Variants in AKR1E2 observed in about 807,000 individuals in gnomAD.
AKR1E2 encodes aldo-keto reductase family 1 member E2.
Under a neutral mutation model 41.9 loss-of-function variants are expected in AKR1E2, and 43 were observed. The ratio of observed to expected loss-of-function variants is 1.03; its 90% CI spans 0.80 to 1.32. AKR1E2 has a LOEUF of 1.32. AKR1E2 is among the 40% of genes most tolerant of loss of function. AKR1E2 has a pLI of 0.00. For missense variants in AKR1E2, 423 were observed against 396.5 expected (o/e 1.07, Z -0.57); for synonymous variants, 121 against 138.9 (o/e 0.87, Z 0.91).
At chr10:4,846,266 G>A (rs368569468) in intron 8 of AKR1E2, 32 of 175,158 alleles carry the variant, frequency 1.8e-4, no homozygotes, top group African/African-American at 6.9e-4. Context: ...TCCTCCCGCC[G>A]CAAGACAGCC....
At chr10:4,836,997 A>G (rs1462359034) in intron 4 of AKR1E2, among the ~76,000 whole-genome samples, 1 of 152,206 alleles carries the variant, frequency 6.6e-6, no homozygotes, top group Non-Finnish European at 1.5e-5. Flanking sequence ...AAGGTGGGAT[A>G]GGAGAATGGT....
the AKR1E2 span, among the ~76,000 whole-genome samples, chr10:4,863,468 G>A: frequency 6.6e-6 from 1 of 152,044 alleles, no homozygotes; most frequent in Non-Finnish European, 1.5e-5. Context: ...GCAATGTGTA[G>A]AGGGAAATTT....
chr10:4,866,780 G>A, the AKR1E2 span, among the ~76,000 whole-genome samples: 54 of 152,004 alleles, frequency 3.6e-4, no homozygotes, highest in African/African-American at 1.2e-3. Context: ...CAGTGAGCCA[G>A]GAGTGCTGAG....
Position 4,839,853 on chromosome 10 carries a change from T to C in AKR1E2, c.680+27T>C, listed in dbSNP as rs1208914488. ...TAAGGATACCTCAGTGGTGTGTTAGTCAGAGTCCGACTGGGAAGTAGATGC... is the reference window on the plus strand; with the variant it reads ...TAAGGATACCTCAGTGGTGTGTTAGCCAGAGTCCGACTGGGAAGTAGATGC... On this transcript the variant is annotated intron_variant, in intron 6 of 9. Transcript: ENST00000298375. 3 of 1,592,782 alleles carry C rather than the reference T, an allele frequency of 1.9e-6. No homozygotes were observed. In the South Asian group the frequency reaches 3.3e-5, roughly 18 times the overall value.
upstream of AKR1E2, chr10:4,825,075 G>A (rs1175192369): frequency 6.6e-6 from 3 of 451,446 alleles, no homozygotes; most frequent in Non-Finnish European, 1.3e-5. Flanking sequence ...ATGAATAAAT[G>A]AGAGTATCGA....
Position 4,847,470 on chromosome 10 carries a change from T to G in AKR1E2, c.921-18T>G, listed in dbSNP as rs1869215. The G allele has an allele frequency of 0.042, 68,138 of 1,607,996 alleles. 1,797 individuals carry two copies. Among genetic ancestry groups the G allele is most frequent in the East Asian group, 0.12 (5,526 of 44,856 alleles). On this transcript the variant is annotated intron_variant, in intron 9 of 9. Transcript: ENST00000298375. ...TCATTCTTTGTTCCTATTTTTGATTTGTTTTTCTGTTTTTCAGAACTAAAA... is the reference window on the plus strand; with the variant it reads ...TCATTCTTTGTTCCTATTTTTGATTGGTTTTTCTGTTTTTCAGAACTAAAA...
rs200262155 is a variant in AKR1E2, at chr10:4,839,729, A to G, written c.583A>G (p.Ile195Val). ...TATGTAAGCTATGATTCTGTTATAG[A>G]TTGAGTGCCACCCATATCTTACTCA... ...GLRFKPLTNQ[I>V]ECHPYLTQKN... is the part of the protein sequence containing the mutation. The change falls in exon 6 of 10, where the codon ATT becomes GTT. Residue 195 changes from isoleucine (I) to valine (V), a missense_variant and splice_region_variant. Physicochemically the swap from Ile to Val is conservative, Grantham distance 29. Coordinates refer to ENST00000298375, the MANE Select transcript of AKR1E2 (RefSeq NM_001040177.3). 6.2e-7 allele frequency: 1 copy of G among 1,613,154 alleles called. No individual in the cohort carries two copies. Among genetic ancestry groups the G allele is most frequent in the Admixed American group, 1.7e-5 (1 of 60,012 alleles).
At position 4,839,694 on chromosome 10, in the gene AKR1E2, G is replaced by T. The variant is rs1400673612; in HGVS notation, c.583-35G>T. The T allele has an allele frequency of 1.9e-6, 3 of 1,583,256 alleles. No individual in the cohort carries two copies. In the Admixed American group the frequency reaches 5.0e-5, roughly 26 times the overall value. On this transcript the variant is annotated intron_variant, in intron 5 of 9. Coordinates refer to ENST00000298375, the MANE Select transcript of AKR1E2 (RefSeq NM_001040177.3). ...GTAGAGCTTTTCTTGAACACTAGTG[G>T]TCTGAATTTTATGTAAGCTATGATT...
chr10:4,837,699 C>T, intron 5 of AKR1E2, 118 bp downstream of exon 5: 1 of 1,437,390 alleles, frequency 7.0e-7, no homozygotes, highest in South Asian at 1.4e-5. Flanking sequence ...GCCTGTTCTC[C>T]TCTGGCAGCA....
chr10:4,858,807 A>T, the AKR1E2 span, among the ~76,000 whole-genome samples: 1 of 146,428 alleles, frequency 6.8e-6, no homozygotes, highest in African/African-American at 2.5e-5. Flanking sequence ...CTTTAAACAC[A>T]TACTAAGGAA....
chr10:4,826,805 G>A (rs967105043), intron 1 of AKR1E2, among the ~76,000 whole-genome samples: 1 of 152,178 alleles, frequency 6.6e-6, no homozygotes, highest in African/African-American at 2.4e-5. Context: ...GGCCGGGCGT[G>A]GGGTGCGGGC....
At chr10:4,828,051 G>T (rs1044255874) in intron 1 of AKR1E2, among the ~76,000 whole-genome samples, 1 of 152,144 alleles carries the variant, frequency 6.6e-6, no homozygotes, top group Non-Finnish European at 1.5e-5. Flanking sequence ...ATTTTTACTC[G>T]TCTATTTTTA....
At chr10:4,836,709 CTCTT>C (rs1392170440) in intron 4 of AKR1E2, among the ~76,000 whole-genome samples, 1 of 152,186 alleles carries the variant, frequency 6.6e-6, no homozygotes, top group Non-Finnish European at 1.5e-5. Flanking sequence ...TGGGCCTCAA[CTCTT>C]TCTGTCACAA....
the AKR1E2 span, among the ~76,000 whole-genome samples, chr10:4,859,551 A>G: frequency 6.6e-6 from 1 of 152,220 alleles, no homozygotes; most frequent in South Asian, 2.1e-4. Context: ...TAGAATTAGC[A>G]TAGGAAAAGG....
intron 6 of AKR1E2, 112 bp downstream of exon 6, chr10:4,839,938 T>C: frequency 1.0e-6 from 1 of 971,976 alleles, no homozygotes; most frequent in Non-Finnish European, 1.6e-6. Flanking sequence ...TGACAGGGTG[T>C]GGAGGGATGG....
chr10:4,836,463 T>C (rs1157242947), intron 4 of AKR1E2, among the ~76,000 whole-genome samples: 2 of 152,166 alleles, frequency 1.3e-5, no homozygotes, highest in Non-Finnish European at 2.9e-5. Flanking sequence ...CGAGCACGTG[T>C]GGTCTTACAG....
In AKR1E2 at chr10:4,847,190, C is replaced by T. The variant is rs954057217; in HGVS notation, c.880C>T (p.Leu294Phe). 5.6e-6 allele frequency: 9 copies of T among 1,614,164 alleles called. No homozygotes were observed. The highest frequency in any genetic ancestry group is 1.6e-4 in the Middle Eastern group (1 of 6,062). The change falls in exon 9 of 10, where the codon CTC becomes TTC. Residue 294 changes from leucine (L) to phenylalanine (F), a missense_variant. Leu to Phe is a conservative substitution (Grantham distance 22). Coordinates refer to ENST00000298375, the MANE Select transcript of AKR1E2 (RefSeq NM_001040177.3). ...AACACAGCACGATATGGATAACATCCTCAGCCTAAACAGGAATCTCCGACT... is the reference window on the plus strand; with the variant it reads ...AACACAGCACGATATGGATAACATCTTCAGCCTAAACAGGAATCTCCGACT... ...ELTQHDMDNI[L>F]SLNRNLRLAM... is the part of the protein sequence containing the mutation.
intron 4 of AKR1E2, 34 bp downstream of exon 4, chr10:4,835,843 C>T (rs776738692): frequency 1.5e-5 from 24 of 1,610,200 alleles, no homozygotes; most frequent in Non-Finnish European, 2.0e-5. Flanking sequence ...CAGCCTCATC[C>T]TGTGTGGGTC....
the AKR1E2 span, among the ~76,000 whole-genome samples, chr10:4,858,823 A>ATTTT: frequency 0.011 from 1,469 of 131,954 alleles, 29 homozygotes; most frequent in African/African-American, 0.039. Flanking sequence ...AGGAATTTGG[A>ATTTT]TTTTTTTTTT....
Sources: allele counts gnomAD v4.1 joint callset (sites outside exome capture counted in the v4.1 genomes callset), GRCh38; gene constraint gnomAD v4.1.1; transcripts MANE v1.5; gene names NCBI Gene and HGNC (gene_info 2026-07-23, HGNC 2026-07-21).